The following PTGER3 variants were observed in gnomAD, a reference collection of about 807,000 sequenced individuals.
PTGER3 encodes the protein prostaglandin E2 receptor EP3 subtype.
Under a neutral mutation model 34.7 loss-of-function variants are expected in PTGER3, and 22 were observed. The ratio of observed to expected loss-of-function variants is 0.63; its 90% CI spans 0.45 to 0.91. PTGER3 has a LOEUF of 0.91. Ranked by LOEUF, PTGER3 falls within the 40% of genes least tolerant of loss-of-function variation. The probability of loss-of-function intolerance (pLI) is 0.00; values close to 1 mark genes in which losing one functional copy is unlikely to be tolerated. For synonymous variants in PTGER3, 241 were observed against 230.1 expected, an observed-to-expected ratio of 1.05 and a Z score of -0.43; for missense variants, 468 against 519.4, an observed-to-expected ratio of 0.90 and a Z score of 0.96.
intron 4 of PTGER3, among the ~76,000 whole-genome samples, chr1:70,921,393 C>T (rs114091976): frequency 1.3e-5 from 2 of 152,154 alleles, no homozygotes; most frequent in Non-Finnish European, 2.9e-5. Flanking sequence ...CTTTCTCTCT[C>T]TCTGCAAACC....
At chr1:71,031,245 AACACACACACACACACACAC>A (rs56278148) in intron 1 of PTGER3, among the ~76,000 whole-genome samples, 2 of 149,278 alleles carry the variant, frequency 1.3e-5, no homozygotes, top group South Asian at 4.3e-4. Context: ...GTGGCAGGAA[AACACACACACACACACACAC>A]ACACACACAC....
chr1:70,916,343 A>T (rs1337166777), intron 4 of PTGER3, among the ~76,000 whole-genome samples: 1 of 152,060 alleles, frequency 6.6e-6, no homozygotes, highest in East Asian at 1.9e-4. Flanking sequence ...AAAGAACTTT[A>T]AACAGCTACA....
chr1:70,952,865 G>GC (rs760013989), exon 4 of PTGER3: 1 of 1,537,836 alleles, frequency 6.5e-7, no homozygotes, highest in East Asian at 2.4e-5. Context: ...GGAGGAGCTT[G>GC]CTTTTTTAAA....
At position 70,938,482 on chromosome 1, in the gene PTGER3, T is replaced by A. The variant is rs140991556; in HGVS notation, c.*23+15281A>T. Among the ~76,000 whole-genome samples, 1,105 of 152,324 alleles carry A rather than the reference T, an allele frequency of 7.3e-3. 15 individuals are homozygous for A. Among genetic ancestry groups the A allele is most frequent in the African/African-American group, 0.026 (1,061 of 41,576 alleles). On this transcript the variant is annotated intron_variant, in intron 4 of 4. Transcript: ENST00000370931. Reference sequence around the variant, plus strand: ...CATTTTCCATTTTCATTTCCTGAATTCATTAATATTATCTAAGAAATTTCA... The same window carrying A: ...CATTTTCCATTTTCATTTCCTGAATACATTAATATTATCTAAGAAATTTCA...
chr1:70,881,407 G>A (rs984607613), intron 4 of PTGER3, among the ~76,000 whole-genome samples: 5 of 152,106 alleles, frequency 3.3e-5, no homozygotes, highest in African/African-American at 1.2e-4. Context: ...TGCTAGTTCT[G>A]ACATTTTGGT....
At chr1:70,909,504 G>A (rs780641242) in intron 4 of PTGER3, among the ~76,000 whole-genome samples, 4 of 152,150 alleles carry the variant, frequency 2.6e-5, no homozygotes, top group Admixed American at 6.6e-5. Flanking sequence ...GTCTCAGAAG[G>A]CCCCATAAAA....
In PTGER3 at chr1:71,034,053, T is replaced by TA. The variant is rs1557762613; in HGVS notation, c.897+12627_897+12628insT. Among the ~76,000 whole-genome samples, 4 of 152,138 alleles carry TA rather than the reference T, an allele frequency of 2.6e-5. No homozygotes were observed. In the East Asian group the frequency reaches 7.7e-4, roughly 29 times the overall value. On this transcript the variant is annotated intron_variant, in intron 1 of 3. Transcript: ENST00000306666. ...TTAAGTAAATTTAGTATTGTTATGA[T>TA]GTGTCTGTATCTGGATTCTTTATCT...
intron 1 of PTGER3, among the ~76,000 whole-genome samples, chr1:71,027,720 T>C (rs2100932635): frequency 6.6e-6 from 1 of 152,242 alleles, no homozygotes; most frequent in East Asian, 1.9e-4. Flanking sequence ...CATTTTCTAG[T>C]AGCCAGATTT....
intron 4 of PTGER3, among the ~76,000 whole-genome samples, chr1:70,925,010 A>T (rs1485206379): frequency 1.3e-5 from 2 of 152,104 alleles, no homozygotes; most frequent in Non-Finnish European, 2.9e-5. Flanking sequence ...TGTTAACATG[A>T]TTGGATTGAA....
At chr1:70,892,052 C>T (rs1170369612) in intron 4 of PTGER3, among the ~76,000 whole-genome samples, 1 of 152,142 alleles carries the variant, frequency 6.6e-6, no homozygotes, top group Admixed American at 6.5e-5. Flanking sequence ...CTACTTACCT[C>T]TTTATAATTA....
At chr1:70,877,575 G>A (rs1301929348) in intron 4 of PTGER3, among the ~76,000 whole-genome samples, 1 of 152,074 alleles carries the variant, frequency 6.6e-6, no homozygotes. Flanking sequence ...CTTGAATATG[G>A]TGTTGGCTAT....
At chr1:70,883,946 C>A in intron 4 of PTGER3, 1 of 242,880 alleles carries the variant, frequency 4.1e-6, no homozygotes, top group South Asian at 3.7e-5. Context: ...CCTGCAATTC[C>A]AGCTACTTGG....
chr1:71,008,480 C>T (rs1266612261), intron 2 of PTGER3: 1 of 913,756 alleles, frequency 1.1e-6, no homozygotes, highest in Non-Finnish European at 1.3e-6. Flanking sequence ...TTCCCTAATT[C>T]TTTTATCATC....
At position 70,977,571 on chromosome 1, in the gene PTGER3, A is replaced by G. The variant is rs549805071; in HGVS notation, c.1078-3183T>C. On this transcript the variant is annotated intron_variant, in intron 2 of 3. Transcript: ENST00000306666. ...TCAGAATTTCAAGGCCAGAAGTGTA[A>G]CTTGGCATAAATCTAGCTAGATTTT... is the stretch of plus-strand genomic sequence containing the variant. Among the ~76,000 whole-genome samples, 98 of 152,166 alleles carry G rather than the reference A, an allele frequency of 6.4e-4. 1 individual carries two copies. In the Middle Eastern group the frequency reaches 0.014, roughly 21 times the overall value.
exon 4 of PTGER3, chr1:70,952,960 G>T (rs776024733): frequency 1.2e-6 from 2 of 1,613,120 alleles, no homozygotes; most frequent in Admixed American, 3.3e-5. Context: ...CTGCTCACGA[G>T]TACCTCCATT....
At chr1:70,982,733 G>A (rs1347227482) in intron 2 of PTGER3, among the ~76,000 whole-genome samples, 1 of 152,044 alleles carries the variant, frequency 6.6e-6, no homozygotes, top group Non-Finnish European at 1.5e-5. Flanking sequence ...ATGCAAGGGA[G>A]CAGTCAATAA....
intron 2 of PTGER3, among the ~76,000 whole-genome samples, chr1:70,964,386 G>A (rs1464137811): frequency 3.3e-5 from 5 of 152,230 alleles, no homozygotes; most frequent in Non-Finnish European, 7.4e-5. Context: ...AGCTAAAACG[G>A]GCAATCTATA....
intron 4 of PTGER3, among the ~76,000 whole-genome samples, chr1:70,866,230 C>T (rs750947665): frequency 6.6e-6 from 1 of 152,158 alleles, no homozygotes; most frequent in Non-Finnish European, 1.5e-5. Flanking sequence ...CTGTAGGAAA[C>T]ATTGAGTATC....
intron 2 of PTGER3, among the ~76,000 whole-genome samples, chr1:70,978,243 C>T (rs917255371): frequency 6.6e-6 from 1 of 152,058 alleles, no homozygotes; most frequent in African/African-American, 2.4e-5. Context: ...GGTATATGCT[C>T]TCATCTTTGA....
Sources: allele counts gnomAD v4.1 joint callset (sites outside exome capture counted in the v4.1 genomes callset), GRCh38; gene constraint gnomAD v4.1.1; transcripts MANE v1.5; gene names NCBI Gene and HGNC (gene_info 2026-07-23, HGNC 2026-07-21).